The following EYA3 variants were observed in gnomAD, a reference collection of about 807,000 sequenced individuals.
EYA3 encodes protein phosphatase EYA3.
EYA3 carries 39 observed loss-of-function variants against 80.0 expected under a neutral mutation model. The ratio of observed to expected loss-of-function variants is 0.49; its 90% CI spans 0.38 to 0.64. EYA3 has a LOEUF of 0.64. Among genes scored for constraint, EYA3 ranks in the 30% least tolerant of loss-of-function variants. The pLI, the probability that EYA3 is intolerant of heterozygous loss-of-function variation, is 0.00. For missense variants in EYA3, 523 were observed against 676.1 expected (o/e 0.77, Z 2.51); for synonymous variants, 206 against 232.8 (o/e 0.88, Z 1.05).
intron 7 of EYA3, among the ~76,000 whole-genome samples, chr1:28,026,648 C>T (rs537945784): frequency 1.3e-5 from 2 of 151,586 alleles, no homozygotes; most frequent in Non-Finnish European, 2.9e-5. Flanking sequence ...GAGAAATACT[C>T]TATAAAAATG....
chr1:28,048,311 G>T, intron 3 of EYA3, 72 bp downstream of exon 3: 3 of 1,054,012 alleles, frequency 2.8e-6, no homozygotes, highest in South Asian at 1.7e-5. Flanking sequence ...ATGCCCATAC[G>T]CTAATCAGCA....
intron 1 of EYA3, among the ~76,000 whole-genome samples, chr1:28,081,421 G>A (rs1190771360): frequency 2.0e-5 from 3 of 152,080 alleles, no homozygotes; most frequent in African/African-American, 7.2e-5. Flanking sequence ...TATCACAGAT[G>A]TTTCCTAAAT....
intron 2 of EYA3, among the ~76,000 whole-genome samples, chr1:28,054,795 A>C (rs964399800): frequency 1.3e-5 from 2 of 152,154 alleles, no homozygotes; most frequent in Non-Finnish European, 2.9e-5. Context: ...AGGCTGCAGT[A>C]AGCCAAGATG....
At chr1:28,051,216 G>A (rs995023382) in intron 2 of EYA3, among the ~76,000 whole-genome samples, 2 of 152,112 alleles carry the variant, frequency 1.3e-5, no homozygotes, top group Non-Finnish European at 2.9e-5. Context: ...ACATAATTTT[G>A]TATACAGAAA....
intron 2 of EYA3, among the ~76,000 whole-genome samples, chr1:28,051,611 T>C (rs1644253298): frequency 6.6e-6 from 1 of 152,056 alleles, no homozygotes; most frequent in Non-Finnish European, 1.5e-5. Flanking sequence ...CGTCTGAACC[T>C]GGGAGGTGGA....
At chr1:28,087,803 G>A (rs921194406) in intron 1 of EYA3, among the ~76,000 whole-genome samples, 1 of 152,236 alleles carries the variant, frequency 6.6e-6, no homozygotes, top group Non-Finnish European at 1.5e-5. Flanking sequence ...CCTGCCACCT[G>A]TTAGCTGCTC....
intron 1 of EYA3, among the ~76,000 whole-genome samples, chr1:28,060,110 C>G (rs1644568906): frequency 6.6e-6 from 1 of 152,106 alleles, no homozygotes; most frequent in African/African-American, 2.4e-5. Flanking sequence ...ACTACAATCT[C>G]TAGTATATTT....
At chr1:28,003,668 G>A (rs953720365) in intron 11 of EYA3, among the ~76,000 whole-genome samples, 2 of 152,104 alleles carry the variant, frequency 1.3e-5, no homozygotes, top group African/African-American at 4.8e-5. Flanking sequence ...TCAGCTTCCT[G>A]AGTAGTTGAG....
At chr1:28,084,796 A>T (rs1041506176) in intron 1 of EYA3, among the ~76,000 whole-genome samples, 5 of 150,868 alleles carry the variant, frequency 3.3e-5, no homozygotes, top group Middle Eastern at 6.8e-3. Flanking sequence ...TTTAGTAGAG[A>T]TGGGGTTTCA....
intron 4 of EYA3, 132 bp downstream of exon 4, chr1:28,042,439 C>A (rs1465598520): frequency 1.4e-5 from 10 of 721,204 alleles, no homozygotes; most frequent in Non-Finnish European, 2.3e-5. Context: ...TAAACACACA[C>A]AAAAACAAGG....
intron 8 of EYA3, among the ~76,000 whole-genome samples, chr1:28,016,013 G>A (rs1405377128): frequency 3.3e-5 from 5 of 152,210 alleles, no homozygotes; most frequent in Non-Finnish European, 5.9e-5. Flanking sequence ...GTTGGAAGCT[G>A]TAATTATCAT....
intron 3 of EYA3, among the ~76,000 whole-genome samples, chr1:28,044,487 T>C (rs905779568): frequency 6.6e-6 from 1 of 152,200 alleles, no homozygotes; most frequent in African/African-American, 2.4e-5. Context: ...CCAGGCATCA[T>C]TCCTACATTC....
In EYA3 at chr1:27,974,535, A is replaced by T; in HGVS notation, c.1653T>A (p.Pro551=). Residue 551 remains proline (P), a synonymous_variant, in exon 18 of 18, where the codon CCT becomes CCA. Coordinates refer to ENST00000373871, the MANE Select transcript of EYA3 (RefSeq NM_001990.4). ...EEIAAKQHNM[P]FWRITNHGDL... is the part of the protein sequence containing the mutation. ...CTCCATGGTTTGTGATCCTCCAGAA[A>T]GGCATGTTGTGCTGGAAGAGAGTGG... 1 of 1,612,590 alleles carries T rather than the reference A, an allele frequency of 6.2e-7. No homozygotes were observed. The highest frequency in any genetic ancestry group is 8.5e-7 in the Non-Finnish European group (1 of 1,178,802).
chr1:28,012,693 C>G (rs1349417140), intron 9 of EYA3, among the ~76,000 whole-genome samples: 1 of 152,120 alleles, frequency 6.6e-6, no homozygotes, highest in Non-Finnish European at 1.5e-5. Flanking sequence ...GGGAAAAGGA[C>G]CATGCTTTCC....
chr1:28,062,090 C>A (rs1364118071), intron 1 of EYA3, among the ~76,000 whole-genome samples: 2 of 152,068 alleles, frequency 1.3e-5, no homozygotes, highest in Admixed American at 6.6e-5. Flanking sequence ...ACAAGACATG[C>A]CCCGAGTTAA....
In EYA3 at chr1:27,974,325, GAGAGAGAA is replaced by G. The variant is rs1246487666; in HGVS notation, c.*133_*140del. 406 of 521,982 alleles carry G rather than the reference GAGAGAGAA, an allele frequency of 7.8e-4. 3 individuals are homozygous for G. The highest frequency in any genetic ancestry group is 6.6e-3 in the East Asian group (213 of 32,382). 32.3% of individuals were successfully genotyped at this position (521,982 alleles called of 1,614,324 possible). A position where few individuals can be genotyped will look rare whatever the true frequency, so the allele number is the denominator to read the frequency against. Reference sequence around the variant, plus strand: ...AGGAAGGGAGGGAGGGAGAGAGGGAGAGAGAGAAAGAGAGAAAGAGAGAGAGATAGAGA... The same window carrying G: ...AGGAAGGGAGGGAGGGAGAGAGGGAGAGAGAGAAAGAGAGAGAGATAGAGA... On this transcript the variant is annotated 3_prime_UTR_variant, in exon 18 of 18. Coordinates refer to ENST00000373871, the MANE Select transcript of EYA3 (RefSeq NM_001990.4).
At chr1:28,066,145 T>C (rs1644830625) in intron 1 of EYA3, among the ~76,000 whole-genome samples, 1 of 152,004 alleles carries the variant, frequency 6.6e-6, no homozygotes, top group African/African-American at 2.4e-5. Context: ...GATAAAGGGA[T>C]GATTCATGAC....
chr1:28,002,711 C>G lies in EYA3; in HGVS notation c.993+1625G>C, dbSNP rs113471139. ...CCTGTAGTCCCAGATACCTGGAGGA[C>G]TGAGGCAGGAGGATTGCTTTAGCTC... is the stretch of plus-strand genomic sequence containing the variant. On this transcript the variant is annotated intron_variant, in intron 11 of 17. Transcript: ENST00000373871. Among the ~76,000 whole-genome samples, 1,169 of 152,080 alleles carry G rather than the reference C, an allele frequency of 7.7e-3. 10 individuals carry two copies. The highest frequency in any genetic ancestry group is 0.051 in the Middle Eastern group (15 of 294).
chr1:28,080,660 GAA>G (rs765839496), intron 1 of EYA3, among the ~76,000 whole-genome samples: 4 of 115,596 alleles, frequency 3.5e-5, no homozygotes, highest in Admixed American at 8.8e-5. Context: ...CACTTTATCA[GAA>G]AAAAAAAAAA....
Sources: gnomAD v4.1 joint callset for allele counts (sites outside exome capture counted in the v4.1 genomes callset) on GRCh38, gnomAD v4.1.1 for gene constraint, MANE v1.5 for transcripts, NCBI Gene and HGNC (gene_info 2026-07-23, HGNC 2026-07-21) for gene names.